The following PRR23E variants were observed in gnomAD, a reference collection of about 807,000 sequenced individuals.
PRR23E encodes proline-rich protein 23E.
chr3:127,197,146 C>A, the PRR23E span: 1 of 1,594,806 alleles, frequency 6.3e-7, no homozygotes, highest in Non-Finnish European at 8.5e-7. Flanking sequence ...AGCCACTGTC[C>A]CCAGGTGGGA....
chr3:127,193,507 C>T, the PRR23E span, among the ~76,000 whole-genome samples: 5 of 152,044 alleles, frequency 3.3e-5, no homozygotes, highest in African/African-American at 1.2e-4. Context: ...GTTCCCTCAG[C>T]CCCAGCCCCT....
chr3:127,193,589 C>T, the PRR23E span, among the ~76,000 whole-genome samples: 70,391 of 151,916 alleles, frequency 0.46, 17,169 homozygotes, highest in South Asian at 0.63. Context: ...GCTGCAGCTG[C>T]GAGGTGTGGG....
At chr3:127,197,542 C>A in the PRR23E span, 1 of 723,064 alleles carries the variant, frequency 1.4e-6, no homozygotes, top group Non-Finnish European at 2.1e-6. Flanking sequence ...GTACAGAGTA[C>A]ACCTCCTGGA....
At chr3:127,194,494 G>A in the PRR23E span, among the ~76,000 whole-genome samples, 16 of 152,238 alleles carry the variant, frequency 1.1e-4, no homozygotes, top group African/African-American at 3.4e-4. Flanking sequence ...TACATACGAT[G>A]TAGTGTGTTT....
chr3:127,193,592 G>C, the PRR23E span, among the ~76,000 whole-genome samples: 1 of 152,134 alleles, frequency 6.6e-6, no homozygotes, highest in Non-Finnish European at 1.5e-5. Flanking sequence ...GCAGCTGCGA[G>C]GTGTGGGTAG....
the PRR23E span, chr3:127,196,679 A>T: frequency 1.2e-5 from 19 of 1,583,910 alleles, no homozygotes; most frequent in South Asian, 2.0e-4. Context: ...AGCACAGCTC[A>T]TCTAAGATGG....
the PRR23E span, chr3:127,197,217 C>T: frequency 6.3e-7 from 1 of 1,597,948 alleles, no homozygotes; most frequent in Non-Finnish European, 8.5e-7. Flanking sequence ...CAGAGGAGCT[C>T]CCTACTTGAA....
At chr3:127,194,545 G>C in the PRR23E span, among the ~76,000 whole-genome samples, 1 of 152,202 alleles carries the variant, frequency 6.6e-6, no homozygotes, top group Non-Finnish European at 1.5e-5. Context: ...CCTTTGGGCA[G>C]TTGAGGAAGA....
At chr3:127,196,678 C>T in the PRR23E span, 1 of 1,582,858 alleles carries the variant, frequency 6.3e-7, no homozygotes, top group African/African-American at 1.3e-5. Flanking sequence ...GAGCACAGCT[C>T]ATCTAAGATG....
chr3:127,196,822 G>A, the PRR23E span: 2 of 1,598,776 alleles, frequency 1.3e-6, no homozygotes, highest in Non-Finnish European at 1.7e-6. Context: ...TCCTGTACCT[G>A]CTTGGGAGCC....
At chr3:127,196,538 C>A in the PRR23E span, 404 of 1,317,962 alleles carry the variant, frequency 3.1e-4, 1 homozygote, top group Admixed American at 4.3e-4. Context: ...CCCATCCCCT[C>A]CTGTGCGACC....
chr3:127,195,718 G>A, the PRR23E span, among the ~76,000 whole-genome samples: 8 of 152,172 alleles, frequency 5.3e-5, no homozygotes, highest in South Asian at 4.1e-4. Flanking sequence ...GGTCCTGACC[G>A]CACCAGCCTC....
At chr3:127,194,318 G>T in the PRR23E span, among the ~76,000 whole-genome samples, 1 of 151,900 alleles carries the variant, frequency 6.6e-6, no homozygotes, top group Non-Finnish European at 1.5e-5. Context: ...TGACACTAAA[G>T]ATAGCTGAAG....
At chr3:127,196,573 T>C in the PRR23E span, 1 of 1,433,122 alleles carries the variant, frequency 7.0e-7, no homozygotes, top group Non-Finnish European at 9.1e-7. Flanking sequence ...TCTGACTGGC[T>C]GTCTGCTCAC....
chr3:127,194,886 G>T, the PRR23E span, among the ~76,000 whole-genome samples: 40 of 152,170 alleles, frequency 2.6e-4, no homozygotes, highest in Non-Finnish European at 4.6e-4. Context: ...TCCACCCCAG[G>T]TCCTCTGCCC....
chr3:127,195,623 G>A, the PRR23E span, among the ~76,000 whole-genome samples: 2 of 152,126 alleles, frequency 1.3e-5, no homozygotes, highest in Non-Finnish European at 2.9e-5. Flanking sequence ...TCACCTGACT[G>A]GAGGTTGTGG....
At chr3:127,196,805 C>T in the PRR23E span, 2 of 1,598,336 alleles carry the variant, frequency 1.3e-6, no homozygotes, top group Non-Finnish European at 1.7e-6. Flanking sequence ...TGGGCTCTGC[C>T]TATGGTTCCT....
the PRR23E span, chr3:127,196,543 G>T: frequency 7.5e-7 from 1 of 1,339,526 alleles, no homozygotes. Context: ...CCCCTCCTGT[G>T]CGACCTGGTC....
chr3:127,197,338 C>T, the PRR23E span: 1 of 1,596,848 alleles, frequency 6.3e-7, no homozygotes, highest in Non-Finnish European at 8.5e-7. Context: ...ATTGAAGATT[C>T]TCAGCTGGAC....
Sources: allele counts gnomAD v4.1 joint callset (sites outside exome capture counted in the v4.1 genomes callset), GRCh38; gene constraint gnomAD v4.1.1; transcripts MANE v1.5; gene names NCBI Gene and HGNC (gene_info 2026-07-23, HGNC 2026-07-21).